The following KCNAB1 variants were observed in gnomAD, a reference collection of about 807,000 sequenced individuals.
The protein encoded by KCNAB1 is voltage-gated potassium channel subunit beta-1.
KCNAB1 carries 35 observed loss-of-function variants against 64.6 expected under a neutral mutation model. That is an observed-to-expected ratio of 0.54 (90% CI 0.41 to 0.72). The LOEUF (loss-of-function observed/expected upper bound fraction) is 0.72, where lower values mean the gene tolerates loss of function less well. Ranked by LOEUF, KCNAB1 falls within the 30% of genes least tolerant of loss-of-function variation. The probability of loss-of-function intolerance (pLI) is 0.00; values close to 1 mark genes in which losing one functional copy is unlikely to be tolerated. For missense variants in KCNAB1, 401 were observed against 512.9 expected, an observed-to-expected ratio of 0.78 and a Z score of 2.11; for synonymous variants, 177 against 183.8, an observed-to-expected ratio of 0.96 and a Z score of 0.30.
intron 1 of KCNAB1, among the ~76,000 whole-genome samples, chr3:156,173,383 A>G (rs945601418): frequency 2.0e-5 from 3 of 152,204 alleles, no homozygotes; most frequent in Admixed American, 2.0e-4. Flanking sequence ...AAAAATCACC[A>G]TCTGTAAGTG....
chr3:156,507,471 ACAT>A (rs1224902631), intron 8 of KCNAB1, among the ~76,000 whole-genome samples: 1 of 152,244 alleles, frequency 6.6e-6, no homozygotes, highest in African/African-American at 2.4e-5. Flanking sequence ...ACTAAGGATG[ACAT>A]CATTTCATTT....
intron 8 of KCNAB1, among the ~76,000 whole-genome samples, chr3:156,476,173 T>G (rs1282451323): frequency 6.6e-6 from 1 of 152,140 alleles, no homozygotes; most frequent in East Asian, 1.9e-4. Context: ...CCATAAGTTA[T>G]TGGGGTACAG....
chr3:156,468,582 A>G (rs1713611933), intron 7 of KCNAB1, among the ~76,000 whole-genome samples: 1 of 152,228 alleles, frequency 6.6e-6, no homozygotes, highest in Non-Finnish European at 1.5e-5. Context: ...ACTATAGACT[A>G]TAAATATAAA....
intron 1 of KCNAB1, among the ~76,000 whole-genome samples, chr3:156,224,380 AGCGGCG>A (rs1367169039): frequency 6.6e-6 from 1 of 152,232 alleles, no homozygotes; most frequent in Non-Finnish European, 1.5e-5. Flanking sequence ...CCCACAGTGC[AGCGGCG>A]GGCTGAAGGG....
chr3:156,120,869 C>T lies in KCNAB1; in HGVS notation c.258C>T (p.Thr86=), dbSNP rs751017939. 76 of 1,613,954 alleles carry T rather than the reference C, an allele frequency of 4.7e-5. No homozygotes were observed. The highest frequency in any genetic ancestry group is 4.2e-4 in the Admixed American group (25 of 60,008). ...DLSSEHTTVC[T]TGMPHRNLGK... is the part of the protein sequence containing the mutation. ...CCAGCGAGCACACCACCGTCTGCAC[C>T]ACAGGCATGCCGCACAGGTAAGCTG... The change falls in exon 1 of 14, where the codon ACC becomes ACT. Residue 86 remains threonine, a synonymous_variant. Transcript: ENST00000490337.
chr3:156,291,538 C>T (rs773074771), intron 1 of KCNAB1: 82 of 1,116,872 alleles, frequency 7.3e-5, no homozygotes, highest in Middle Eastern at 4.0e-4. Context: ...TGCGTGCAGT[C>T]ACCATGAATG....
At position 156,284,862 on chromosome 3, in the gene KCNAB1, A is replaced by T. The variant is rs888613189; in HGVS notation, c.276-136754A>T. Among the ~76,000 whole-genome samples, 9 of 152,136 alleles carry T rather than the reference A, an allele frequency of 5.9e-5. No individual in the cohort carries two copies. The South Asian group carries it at 6.2e-4, about 11-fold the overall frequency. Reference sequence around the variant, plus strand: ...CGCGCACCCACTGACCTGCGCCCACAGTCTGGCACTCCCTAGTGAGATGAA... The same window carrying T: ...CGCGCACCCACTGACCTGCGCCCACTGTCTGGCACTCCCTAGTGAGATGAA... On this transcript the variant is annotated intron_variant, in intron 1 of 13. Transcript: ENST00000490337.
intron 2 of KCNAB1, among the ~76,000 whole-genome samples, chr3:156,429,103 A>G (rs74432753): frequency 0.023 from 3,434 of 152,342 alleles, 52 homozygotes; most frequent in African/African-American, 0.036. Flanking sequence ...AGATAATCTC[A>G]TCTCAACCTA....
chr3:156,132,445 C>T (rs1714055029), intron 1 of KCNAB1, among the ~76,000 whole-genome samples: 3 of 152,204 alleles, frequency 2.0e-5, no homozygotes, highest in Admixed American at 2.0e-4. Flanking sequence ...TTTCTCATTG[C>T]CTTGAGACTC....
Position 156,276,719 on chromosome 3 carries a change from T to C in KCNAB1, c.276-144897T>C, listed in dbSNP as rs558184295. ...GCTTTAAACTTTTCATCTGTAGCTT[T>C]CCCACCTCTCTTAGCCTTTTGAATT... On this transcript the variant is annotated intron_variant, in intron 1 of 13. Coordinates refer to ENST00000490337, the MANE Select transcript of KCNAB1 (RefSeq NM_172160.3). 1.2e-4 allele frequency among the ~76,000 whole-genome samples: 19 copies of C among 152,314 alleles called. No homozygotes were observed. The South Asian group carries it at 3.7e-3, about 30-fold the overall frequency.
intron 1 of KCNAB1, among the ~76,000 whole-genome samples, chr3:156,234,438 C>T (rs557291732): frequency 1.3e-5 from 2 of 152,176 alleles, no homozygotes; most frequent in East Asian, 3.9e-4. Flanking sequence ...TACCTAGATG[C>T]AGGACAGTTC....
intron 1 of KCNAB1, among the ~76,000 whole-genome samples, chr3:156,376,994 T>A (rs1044511316): frequency 7.2e-5 from 11 of 152,012 alleles, no homozygotes; most frequent in African/African-American, 2.7e-4. Context: ...AAAAGTAAAA[T>A]AAAATAATTA....
rs1043941899 is a variant in KCNAB1, at chr3:156,365,382, G to A, written c.276-56234G>A. 6.6e-5 allele frequency among the ~76,000 whole-genome samples: 10 copies of A among 152,304 alleles called. No homozygotes were observed. In the East Asian group the frequency reaches 9.6e-4, roughly 15 times the overall value. ...TTTCTATTTTCTGTATGGCGTAGAC[G>A]TGCAAGAGGCTCATCTTCCTCTTGA... On this transcript the variant is annotated intron_variant, in intron 1 of 13. Transcript: ENST00000490337.
intron 1 of KCNAB1, among the ~76,000 whole-genome samples, chr3:156,177,511 G>A (rs1199380394): frequency 1.3e-5 from 2 of 151,826 alleles, no homozygotes. Flanking sequence ...GGAGTAGCTG[G>A]GACTACAAGC....
At chr3:156,229,019 C>CG (rs1279580984) in intron 1 of KCNAB1, among the ~76,000 whole-genome samples, 6 of 152,204 alleles carry the variant, frequency 3.9e-5, no homozygotes, top group Admixed American at 3.9e-4. Flanking sequence ...GCATCATTCC[C>CG]CTCTTCCTTG....
intron 1 of KCNAB1, among the ~76,000 whole-genome samples, chr3:156,364,792 AAAAC>A (rs998661392): frequency 2.6e-5 from 4 of 152,150 alleles, no homozygotes; most frequent in African/African-American, 7.2e-5. Context: ...AAACAACAAA[AAAAC>A]AAACAAACAA....
intron 1 of KCNAB1, among the ~76,000 whole-genome samples, chr3:156,297,211 A>G (rs1318341546): frequency 8.3e-6 from 1 of 120,740 alleles, no homozygotes; most frequent in Non-Finnish European, 1.8e-5. Context: ...CTGAAATTTT[A>G]TTGTTTCAAG....
At chr3:156,393,564 G>A (rs1242767461) in intron 1 of KCNAB1, among the ~76,000 whole-genome samples, 1 of 152,038 alleles carries the variant, frequency 6.6e-6, no homozygotes, top group Non-Finnish European at 1.5e-5. Flanking sequence ...CAAGATTTCT[G>A]TCTGACAACC....
chr3:156,292,086 C>T (rs768556987), intron 1 of KCNAB1: 50 of 1,613,978 alleles, frequency 3.1e-5, no homozygotes, highest in Non-Finnish European at 4.2e-5. Context: ...CATCACATTT[C>T]TCTCAAAGAG....
Sources: gnomAD v4.1 joint callset for allele counts (sites outside exome capture counted in the v4.1 genomes callset) on GRCh38, gnomAD v4.1.1 for gene constraint, MANE v1.5 for transcripts, NCBI Gene and HGNC (gene_info 2026-07-23, HGNC 2026-07-21) for gene names.